The following STYXL1 variants were observed in gnomAD, a reference collection of about 807,000 sequenced individuals.
STYXL1 encodes serine/threonine/tyrosine-interacting-like protein 1.
STYXL1 carries 32 observed loss-of-function variants against 36.4 expected under a neutral mutation model. The ratio of observed to expected loss-of-function variants is 0.88; its 90% confidence interval spans 0.66 to 1.18. STYXL1 has a LOEUF of 1.18. Among genes scored for constraint, STYXL1 ranks in the 50% most tolerant of loss-of-function variants. The pLI is 0.00. For synonymous variants in STYXL1, 133 were observed against 144.1 expected (o/e 0.92, Z 0.55); for missense variants, 354 against 394.1 (o/e 0.90, Z 0.86).
chr7:76,009,824 C>T (rs1792335800), intron 5 of STYXL1, among the ~76,000 whole-genome samples: 1 of 152,136 alleles, frequency 6.6e-6, no homozygotes, highest in Non-Finnish European at 1.5e-5. Context: ...TGCTAGGATT[C>T]CAAGCTTAAG....
chr7:76,041,463 T>G (rs1345490462), intron 1 of STYXL1, among the ~76,000 whole-genome samples: 1 of 152,178 alleles, frequency 6.6e-6, no homozygotes, highest in East Asian at 1.9e-4. Context: ...GTGGTACCTT[T>G]AAGAGGTGAT....
intron 8 of STYXL1, chr7:75,998,461 C>T (rs1220722033): frequency 6.6e-6 from 1 of 152,270 alleles, no homozygotes; most frequent in East Asian, 1.9e-4. Flanking sequence ...CCACGCCTGG[C>T]TCATTTTTGT....
At chr7:76,016,103 T>C (rs1467479738) in intron 4 of STYXL1, among the ~76,000 whole-genome samples, 1 of 152,134 alleles carries the variant, frequency 6.6e-6, no homozygotes, top group Non-Finnish European at 1.5e-5. Context: ...TATCTACATA[T>C]ACACGCATAT....
chr7:76,029,472 TC>T (rs1238851226), intron 2 of STYXL1, among the ~76,000 whole-genome samples: 1 of 151,928 alleles, frequency 6.6e-6, no homozygotes, highest in Non-Finnish European at 1.5e-5. Context: ...AAAGCAGCGA[TC>T]CCCAATCTTT....
intron 8 of STYXL1, among the ~76,000 whole-genome samples, chr7:75,997,447 G>A (rs907751619): frequency 1.3e-5 from 2 of 151,906 alleles, no homozygotes; most frequent in African/African-American, 4.8e-5. Flanking sequence ...AACAAAAAAG[G>A]AAGGAAGTGA....
chr7:76,000,501 C>G (rs1416789014), intron 8 of STYXL1: 2 of 460,124 alleles, frequency 4.3e-6, no homozygotes, highest in Non-Finnish European at 8.7e-6. Flanking sequence ...TCCCTGCTTC[C>G]CTCTCTTCTC....
At chr7:75,999,498 T>TGTGC (rs1554565583) in intron 8 of STYXL1, among the ~76,000 whole-genome samples, 3 of 78,884 alleles carry the variant, frequency 3.8e-5, no homozygotes, top group Non-Finnish European at 7.9e-5. Flanking sequence ...TTGTTGTGTG[T>TGTGC]GTGTGTGTGT....
chr7:76,004,032 T>C (rs1225874775), intron 6 of STYXL1, among the ~76,000 whole-genome samples, 177 bp from the exon 7 acceptor site: 1 of 152,054 alleles, frequency 6.6e-6, no homozygotes, highest in East Asian at 1.9e-4. Context: ...GTGTGGTGGC[T>C]CATGAATAAG....
At chr7:76,046,921 G>A (rs1380531924) in intron 1 of STYXL1, among the ~76,000 whole-genome samples, 7 of 151,582 alleles carry the variant, frequency 4.6e-5, no homozygotes, top group African/African-American at 7.3e-5. Flanking sequence ...AGAGTGCTGG[G>A]ATTACAGGCA....
chr7:76,027,419 G>C (rs549953890), intron 3 of STYXL1, among the ~76,000 whole-genome samples: 6 of 152,058 alleles, frequency 3.9e-5, no homozygotes, highest in African/African-American at 1.2e-4. Context: ...TTGCTAAATA[G>C]AAGAGAAGGT....
At chr7:76,032,610 G>A (rs1405785275) in intron 1 of STYXL1, among the ~76,000 whole-genome samples, 2 of 152,164 alleles carry the variant, frequency 1.3e-5, no homozygotes, top group South Asian at 2.1e-4. Context: ...GCTGAGGCAG[G>A]AGAATTTCTT....
chr7:76,007,537 C>T (rs57086307), intron 5 of STYXL1, among the ~76,000 whole-genome samples: 16,854 of 152,146 alleles, frequency 0.11, 1,783 homozygotes, highest in African/African-American at 0.27. Flanking sequence ...GCCCTGGAAC[C>T]AACCTCCATG....
At chr7:76,016,169 T>C (rs1361255316) in intron 4 of STYXL1, among the ~76,000 whole-genome samples, 2 of 151,944 alleles carry the variant, frequency 1.3e-5, no homozygotes, top group Non-Finnish European at 2.9e-5. Flanking sequence ...AGTATATACA[T>C]ATGTACATTT....
intron 8 of STYXL1, chr7:75,998,981 A>G (rs138544005): frequency 2.6e-5 from 4 of 152,722 alleles, no homozygotes; most frequent in African/African-American, 9.6e-5. Flanking sequence ...ATAGGCCTAC[A>G]TATATTAAAG....
chr7:76,030,780 G>A (rs910053312), intron 1 of STYXL1, among the ~76,000 whole-genome samples: 1 of 150,400 alleles, frequency 6.6e-6, no homozygotes, highest in Non-Finnish European at 1.5e-5. Flanking sequence ...GGGAGGCCGA[G>A]GCGGGTGGAT....
intron 5 of STYXL1, among the ~76,000 whole-genome samples, chr7:76,007,782 A>T (rs1361425398): frequency 6.6e-6 from 1 of 151,576 alleles, no homozygotes; most frequent in African/African-American, 2.4e-5. Context: ...TTCGCCAGGC[A>T]TGGTGGCACA....
At position 76,001,022 on chromosome 7, in the gene STYXL1, G is replaced by T. The variant is rs781825643; in HGVS notation, c.698-20C>A. 6.9e-6 allele frequency: 11 copies of T among 1,595,310 alleles called. No individual in the cohort carries two copies. The highest frequency in any genetic ancestry group is 1.1e-5 in the South Asian group (1 of 90,672). On this transcript the variant is annotated intron_variant, in intron 7 of 8. Coordinates refer to ENST00000359697, the MANE Select transcript of STYXL1 (RefSeq NM_001317785.2). ...GAATTTCTGCAAAAAGAAGTGGGGGGTTGGGTCATGCCTGGCCCTCCTCCC... is the reference window on the plus strand; with the variant it reads ...GAATTTCTGCAAAAAGAAGTGGGGGTTTGGGTCATGCCTGGCCCTCCTCCC...
chr7:76,029,709 G>A (rs1261356712), intron 2 of STYXL1, among the ~76,000 whole-genome samples: 1 of 152,190 alleles, frequency 6.6e-6, no homozygotes, highest in Non-Finnish European at 1.5e-5. Flanking sequence ...GGGGGTGACA[G>A]GAGATAGTGA....
At chr7:76,025,830 C>T (rs538126074) in intron 3 of STYXL1, among the ~76,000 whole-genome samples, 37 of 151,758 alleles carry the variant, frequency 2.4e-4, no homozygotes, top group Non-Finnish European at 4.6e-4. Context: ...TGGATTTGTA[C>T]GGGGAAATAT....
Sources: allele counts gnomAD v4.1 joint callset (sites outside exome capture counted in the v4.1 genomes callset), GRCh38; gene constraint gnomAD v4.1.1; transcripts MANE v1.5; gene names NCBI Gene and HGNC (gene_info 2026-07-23, HGNC 2026-07-21).